Variants in TNRC6A observed in about 807,000 individuals in gnomAD.
TNRC6A encodes the protein trinucleotide repeat-containing gene 6A protein.
A neutral mutation model predicts 221.2 loss-of-function variants in TNRC6A; 44 were observed. The ratio of observed to expected loss-of-function variants is 0.20; its 90% CI spans 0.16 to 0.26. TNRC6A has a LOEUF of 0.26. TNRC6A is among the 10% of genes least tolerant of loss of function. The probability of loss-of-function intolerance (pLI) is 1.00; values close to 1 mark genes in which losing one functional copy is unlikely to be tolerated. For missense variants in TNRC6A, 2,199 were observed against 2,404.4 expected (o/e 0.91, Z 1.79); for synonymous variants, 847 against 838.5 (o/e 1.01, Z -0.18).
At chr16:24,709,644 G>A (rs1794288708) in intron 2 of TNRC6A, among the ~76,000 whole-genome samples, 1 of 150,968 alleles carries the variant, frequency 6.6e-6, no homozygotes, top group Non-Finnish European at 1.5e-5. Flanking sequence ...GGGCAACATA[G>A]AAAGACCCCA....
intron 2 of TNRC6A, among the ~76,000 whole-genome samples, chr16:24,713,370 A>T (rs764805045): frequency 6.6e-6 from 1 of 152,086 alleles, no homozygotes; most frequent in Non-Finnish European, 1.5e-5. Flanking sequence ...GTGAGCAGAG[A>T]TCATGCCAGT....
At chr16:24,675,698 CTCTCTATATATATA>C (rs1467663307) in intron 2 of TNRC6A, among the ~76,000 whole-genome samples, 19 of 66,592 alleles carry the variant, frequency 2.9e-4, no homozygotes, top group East Asian at 1.9e-3. Context: ...CTCTCTCTCT[CTCTCTATATATATA>C]TATATATATA....
At chr16:24,767,172 C>T (rs751966941) in intron 4 of TNRC6A, among the ~76,000 whole-genome samples, 45 of 152,224 alleles carry the variant, frequency 3.0e-4, no homozygotes, top group Middle Eastern at 3.4e-3. Context: ...GGATGAGATA[C>T]GAGGCAAGAA....
At chr16:24,806,161 T>C (rs1286686385) in intron 15 of TNRC6A, 45 bp from the exon 16 acceptor site, 3 of 1,606,514 alleles carry the variant, frequency 1.9e-6, no homozygotes, top group East Asian at 2.2e-5. Flanking sequence ...GCACACACTT[T>C]GTAATGGTGT....
upstream of TNRC6A, among the ~76,000 whole-genome samples, chr16:24,728,825 T>C (rs955936154): frequency 6.6e-6 from 1 of 152,250 alleles, no homozygotes; most frequent in Admixed American, 6.5e-5. Context: ...GTGTCTACAC[T>C]AAGATGTTTC....
At chr16:24,627,134 T>C (rs1901060150) in intron 1 of TNRC6A, among the ~76,000 whole-genome samples, 1 of 152,040 alleles carries the variant, frequency 6.6e-6, no homozygotes, top group Non-Finnish European at 1.5e-5. Flanking sequence ...AAATATTATC[T>C]GGGGTACTGC....
intron 2 of TNRC6A, among the ~76,000 whole-genome samples, chr16:24,720,976 A>AC (rs1370356622): frequency 2.0e-5 from 3 of 150,882 alleles, no homozygotes; most frequent in Admixed American, 6.6e-5. Flanking sequence ...AATGGCATGA[A>AC]CCCGGGAGGT....
intron 2 of TNRC6A, among the ~76,000 whole-genome samples, chr16:24,734,261 G>C (rs1050857474): frequency 2.6e-5 from 4 of 152,162 alleles, no homozygotes; most frequent in African/African-American, 9.7e-5. Flanking sequence ...AGCTGATTAG[G>C]TGTCAGAGGA....
intron 2 of TNRC6A, among the ~76,000 whole-genome samples, chr16:24,697,553 C>G (rs565065887): frequency 6.6e-6 from 1 of 152,010 alleles, no homozygotes; most frequent in Non-Finnish European, 1.5e-5. Flanking sequence ...GGCATGGTGG[C>G]ACGCACCTGT....
chr16:24,741,194 A>G (rs1375527604), intron 2 of TNRC6A, among the ~76,000 whole-genome samples: 1 of 152,216 alleles, frequency 6.6e-6, no homozygotes, highest in Non-Finnish European at 1.5e-5. Flanking sequence ...AGTGTCGAAT[A>G]GGAAGTGGCA....
intron 2 of TNRC6A, among the ~76,000 whole-genome samples, chr16:24,748,228 AG>A (rs1483512740): frequency 2.0e-5 from 3 of 152,238 alleles, no homozygotes; most frequent in Non-Finnish European, 2.9e-5. Flanking sequence ...AGGCTGAAGA[AG>A]ATTAAGTATT....
chr16:24,727,146 C>T (rs1240886384), upstream of TNRC6A, among the ~76,000 whole-genome samples: 1 of 151,962 alleles, frequency 6.6e-6, no homozygotes, highest in East Asian at 1.9e-4. Context: ...TCTCCTGCCT[C>T]AGCCTCCCAA....
intron 2 of TNRC6A, among the ~76,000 whole-genome samples, chr16:24,675,702 C>CTCTCTCTCTCTCTCTCTCTATA (rs1180245687): frequency 3.0e-5 from 1 of 33,268 alleles, no homozygotes. Flanking sequence ...CTCTCTCTCT[C>CTCTCTCTCTCTCTCTCTCTATA]TATATATATA....
At chr16:24,804,429 C>T in intron 12 of TNRC6A, 110 bp downstream of exon 12, 1 of 1,285,104 alleles carries the variant, frequency 7.8e-7, no homozygotes, top group South Asian at 1.5e-5. Flanking sequence ...TTACAATCCA[C>T]TACCAAATCT....
In TNRC6A at chr16:24,789,421, C is replaced by T. The variant is rs2058046993; in HGVS notation, c.779C>T (p.Ser260Phe). 6.2e-7 allele frequency: 1 copy of T among 1,614,072 alleles called. No homozygotes were observed. Among genetic ancestry groups the T allele is most frequent in the South Asian group, 1.1e-5 (1 of 91,084 alleles). The change falls in exon 6 of 25, where the codon TCC becomes TTC. Residue 260 changes from serine to phenylalanine, a missense_variant. By Grantham distance (155) the Ser-to-Phe change is radical. Transcript: ENST00000395799. ...GAATGTATGGATGCTGATTCTGCCT[C>T]CAGTTCTGAATCAGAGAGAAACATC... ...ASECMDADSA[S>F]SSESERNITI... is the part of the protein sequence containing the mutation.
chr16:24,618,125 G>A (rs1477217315), intron 1 of TNRC6A, among the ~76,000 whole-genome samples: 1 of 127,360 alleles, frequency 7.9e-6, no homozygotes, highest in East Asian at 2.0e-4. Context: ...TCGCCATGTT[G>A]CCCAGACTGG....
rs1035748212 is a variant in TNRC6A at position 24,680,588 on chromosome 16, G to A, written n.402+39579G>A. On this transcript the variant is annotated intron_variant and non_coding_transcript_variant, in intron 2 of 2. Transcript: ENST00000566108. ...AAAAATTAGCTGGGTGTGGTGGCAC[G>A]CACCTGTAGTCCCAGATACTTGGGA... Among the ~76,000 whole-genome samples, 6 of 151,402 alleles carry A rather than the reference G, an allele frequency of 4.0e-5. No individual in the cohort carries two copies. In the East Asian group the frequency reaches 1.2e-3, roughly 30 times the overall value.
intron 1 of TNRC6A, chr16:24,610,597 T>TG (rs1900001294): frequency 6.6e-6 from 1 of 152,298 alleles, no homozygotes; most frequent in Non-Finnish European, 1.5e-5. Flanking sequence ...CTGCCGGCTC[T>TG]GGGGAGCTGC....
At chr16:24,645,101 A>G (rs1334287067) in intron 2 of TNRC6A, among the ~76,000 whole-genome samples, 3 of 152,262 alleles carry the variant, frequency 2.0e-5, no homozygotes, top group Non-Finnish European at 4.4e-5. Context: ...ATATTTTCCA[A>G]GTATCAAAAA....
Sources: allele counts gnomAD v4.1 joint callset (sites outside exome capture counted in the v4.1 genomes callset), GRCh38; gene constraint gnomAD v4.1.1; transcripts MANE v1.5; gene names NCBI Gene and HGNC (gene_info 2026-07-23, HGNC 2026-07-21).